Variants in KIAA1328 observed in about 807,000 individuals in gnomAD.
KIAA1328 encodes the protein protein hinderin.
A neutral mutation model predicts 68.1 loss-of-function variants in KIAA1328; 52 were observed. That is an observed-to-expected ratio of 0.76 (90% CI 0.61 to 0.96). The LOEUF is 0.96. KIAA1328 is among the 40% of genes least tolerant of loss of function. The pLI is 0.00. For synonymous variants in KIAA1328, 232 were observed against 239.4 expected, an observed-to-expected ratio of 0.97 and a Z score of 0.28; for missense variants, 641 against 677.6, an observed-to-expected ratio of 0.95 and a Z score of 0.60.
intron 7 of KIAA1328, among the ~76,000 whole-genome samples, chr18:37,089,967 T>G (rs1038131617): frequency 2.0e-5 from 3 of 152,224 alleles, no homozygotes; most frequent in African/African-American, 7.2e-5. Context: ...ATGGTTTGGC[T>G]CAGCTGTGCC....
intron 5 of KIAA1328, chr18:36,895,655 A>G: frequency 2.3e-6 from 1 of 427,132 alleles, no homozygotes; most frequent in South Asian, 1.7e-5. Context: ...TCGTTTGCTT[A>G]TGTATTTATT....
intron 3 of KIAA1328, 22 bp from the exon 4 acceptor site, chr18:36,844,186 A>G (rs764210006): frequency 2.7e-6 from 4 of 1,471,222 alleles, no homozygotes; most frequent in South Asian, 1.3e-5. Context: ...GAAAAAGTGT[A>G]ACTAAATTTT....
chr18:36,924,538 A>T (rs1309056963), intron 5 of KIAA1328, among the ~76,000 whole-genome samples: 1 of 152,200 alleles, frequency 6.6e-6, no homozygotes, highest in Admixed American at 6.5e-5. Flanking sequence ...AACGAGTATG[A>T]CTATACATTT....
At chr18:37,124,730 G>A (rs2058351872) in intron 7 of KIAA1328, among the ~76,000 whole-genome samples, 1 of 152,076 alleles carries the variant, frequency 6.6e-6, no homozygotes, top group African/African-American at 2.4e-5. Context: ...GGCTCAGAAT[G>A]TTCTAACCAC....
At chr18:37,225,362 G>A (rs917781273), downstream of KIAA1328, 5 of 954,480 alleles carry the variant, frequency 5.2e-6, no homozygotes, top group Non-Finnish European at 6.2e-6. Flanking sequence ...ATTGTCCCTT[G>A]AACATCCCTC....
At chr18:37,130,710 T>C (rs551639368) in intron 7 of KIAA1328, among the ~76,000 whole-genome samples, 85 of 152,180 alleles carry the variant, frequency 5.6e-4, no homozygotes, top group African/African-American at 2.0e-3. Flanking sequence ...TAGAAAAAAA[T>C]AATCCTGATT....
At chr18:36,854,130 A>G (rs2047307997) in intron 4 of KIAA1328, among the ~76,000 whole-genome samples, 1 of 152,212 alleles carries the variant, frequency 6.6e-6, no homozygotes, top group East Asian at 1.9e-4. Context: ...GGTTACCTAT[A>G]TAAGAAGAGT....
intron 6 of KIAA1328, among the ~76,000 whole-genome samples, chr18:36,980,680 A>G (rs568125672): frequency 6.6e-6 from 1 of 152,260 alleles, no homozygotes; most frequent in African/African-American, 2.4e-5. Context: ...CCACCCAAAT[A>G]TTATCTTGTA....
chr18:37,115,897 A>C (rs1333775850), intron 7 of KIAA1328, among the ~76,000 whole-genome samples: 2 of 152,298 alleles, frequency 1.3e-5, no homozygotes, highest in African/African-American at 4.8e-5. Flanking sequence ...TCATGAGTGA[A>C]CTCCCATTCA....
chr18:36,838,011 T>G (rs2046738316), intron 3 of KIAA1328, among the ~76,000 whole-genome samples: 1 of 152,216 alleles, frequency 6.6e-6, no homozygotes, highest in African/African-American at 2.4e-5. Flanking sequence ...GTTTTGGCTA[T>G]TTTGGGTCCC....
chr18:37,051,091 A>C (rs1477349588), intron 6 of KIAA1328, among the ~76,000 whole-genome samples: 2 of 152,216 alleles, frequency 1.3e-5, no homozygotes, highest in Non-Finnish European at 2.9e-5. Flanking sequence ...TACATTGAGT[A>C]TTCTGTCAAT....
At chr18:36,927,343 A>G (rs1342103858) in intron 5 of KIAA1328, among the ~76,000 whole-genome samples, 1 of 152,244 alleles carries the variant, frequency 6.6e-6, no homozygotes, top group Non-Finnish European at 1.5e-5. Flanking sequence ...TAAAAAGCTT[A>G]TTAAAATAAT....
chr18:36,948,951 C>T (rs1490647131), intron 5 of KIAA1328, among the ~76,000 whole-genome samples: 1 of 152,238 alleles, frequency 6.6e-6, no homozygotes, highest in Non-Finnish European at 1.5e-5. Flanking sequence ...CACAACTTCA[C>T]TGATCAGCCT....
At chr18:36,991,537 C>T (rs143103216) in intron 6 of KIAA1328, among the ~76,000 whole-genome samples, 65 of 152,254 alleles carry the variant, frequency 4.3e-4, no homozygotes, top group African/African-American at 1.6e-3. Context: ...ACAGTTTTTT[C>T]ATCTTTCAGA....
At chr18:36,885,898 G>C in intron 5 of KIAA1328, 1 of 484,444 alleles carries the variant, frequency 2.1e-6, no homozygotes, top group South Asian at 3.4e-5. Context: ...CGTATTTTTA[G>C]TAGAGACGGG....
intron 5 of KIAA1328, among the ~76,000 whole-genome samples, chr18:36,914,459 T>C (rs913564739): frequency 1.3e-5 from 2 of 152,176 alleles, no homozygotes; most frequent in Admixed American, 1.3e-4. Flanking sequence ...TGGTGGCTCA[T>C]GCCTGTAATT....
chr18:36,931,393 G>A (rs2050305671), intron 5 of KIAA1328, among the ~76,000 whole-genome samples: 1 of 151,970 alleles, frequency 6.6e-6, no homozygotes, highest in South Asian at 2.1e-4. Flanking sequence ...GTACACGCGA[G>A]GGATCTAGGT....
chr18:37,200,177 C>T (rs1297195240), intron 9 of KIAA1328, among the ~76,000 whole-genome samples: 7 of 152,226 alleles, frequency 4.6e-5, no homozygotes, highest in Non-Finnish European at 8.8e-5. Flanking sequence ...GTGAGGACAG[C>T]TGCCCAGGAC....
At chr18:37,147,584 C>A (rs2058930156) in intron 7 of KIAA1328, among the ~76,000 whole-genome samples, 1 of 152,092 alleles carries the variant, frequency 6.6e-6, no homozygotes, top group Non-Finnish European at 1.5e-5. Context: ...GGGGTGTTTT[C>A]CAAGCCCCTC....
Sources: allele counts gnomAD v4.1 joint callset (sites outside exome capture counted in the v4.1 genomes callset), GRCh38; gene constraint gnomAD v4.1.1; transcripts MANE v1.5; gene names NCBI Gene and HGNC (gene_info 2026-07-23, HGNC 2026-07-21).